The following CDH11 variants were observed in gnomAD, a reference collection of about 807,000 sequenced individuals.
The protein encoded by CDH11 is cadherin 11, also known as cadherin-11.
A neutral mutation model predicts 67.8 loss-of-function variants in CDH11; 11 were observed. That is an observed-to-expected ratio of 0.16 (90% confidence interval 0.10 to 0.27). The LOEUF (loss-of-function observed/expected upper bound fraction) is 0.27. Ranked by LOEUF, CDH11 falls within the 10% of genes least tolerant of loss-of-function variation. CDH11 has a pLI of 1.00. For synonymous variants in CDH11, 419 were observed against 400.0 expected, an observed-to-expected ratio of 1.05 and a Z score of -0.57; for missense variants, 847 against 1,031.2, an observed-to-expected ratio of 0.82 and a Z score of 2.45.
intron 1 of CDH11, among the ~76,000 whole-genome samples, chr16:65,065,055 G>A (rs1017456058): frequency 2.6e-5 from 4 of 152,134 alleles, no homozygotes. Context: ...TCACGGGTCA[G>A]GTCAGCTATG....
chr16:64,962,671 T>G (rs1262367623), intron 11 of CDH11, among the ~76,000 whole-genome samples: 1 of 152,156 alleles, frequency 6.6e-6, no homozygotes, highest in Non-Finnish European at 1.5e-5. Context: ...TCCCTCATGC[T>G]ATCAGTAGGA....
intron 1 of CDH11, among the ~76,000 whole-genome samples, chr16:65,090,923 C>T (rs901640878): frequency 5.9e-5 from 9 of 152,048 alleles, no homozygotes; most frequent in Admixed American, 6.6e-5. Context: ...TACTTGAGTA[C>T]TAATATATAG....
Position 64,991,910 on chromosome 16 carries a change from G to T in CDH11, c.669C>A (p.Asn223Lys). 1 of 1,613,336 alleles carries T rather than the reference G, an allele frequency of 6.2e-7. No individual in the cohort carries two copies. The highest frequency in any genetic ancestry group is 8.5e-7 in the Non-Finnish European group (1 of 1,179,396). Residue 223 changes from asparagine (N) to lysine (K), a missense_variant, in exon 6 of 13, where the codon AAC (asparagine) becomes AAA (lysine). Physicochemically the swap from Asn to Lys is moderately conservative, Grantham distance 94. Transcript: ENST00000268603. ...ACTCCTCCTTGGCCTCCCTGTCCAT[G>T]TTGGGTAGGGCTGTTCTGATGATAC... is the stretch of plus-strand genomic sequence containing the variant. Reference protein sequence around the residue: ...QTGIIRTALPNMDREAKEEYH... With the variant: ...QTGIIRTALPKMDREAKEEYH...
At chr16:65,028,087 A>C (rs2073568531) in intron 2 of CDH11, among the ~76,000 whole-genome samples, 1 of 152,234 alleles carries the variant, frequency 6.6e-6, no homozygotes, top group Non-Finnish European at 1.5e-5. Context: ...GATTTTTGAA[A>C]GGAAGAAACG....
intron 1 of CDH11, among the ~76,000 whole-genome samples, chr16:65,077,965 C>G (rs1017883098): frequency 5.9e-5 from 9 of 152,196 alleles, no homozygotes; most frequent in African/African-American, 2.2e-4. Flanking sequence ...AGTGGAAATA[C>G]AGAGACGGGT....
intron 1 of CDH11, among the ~76,000 whole-genome samples, chr16:65,086,204 C>A (rs1307444403): frequency 6.6e-6 from 1 of 152,216 alleles, no homozygotes; most frequent in Admixed American, 6.5e-5. Flanking sequence ...TAGCCCTTTA[C>A]AGAAATTGGT....
chr16:64,988,424 A>C, intron 6 of CDH11, 80 bp from the exon 7 acceptor site: 1 of 1,278,182 alleles, frequency 7.8e-7, no homozygotes, highest in Non-Finnish European at 1.1e-6. Context: ...AATCCCAATA[A>C]ATTTCTCAAA....
chr16:65,079,496 T>A (rs540398895), intron 1 of CDH11, among the ~76,000 whole-genome samples: 29 of 149,760 alleles, frequency 1.9e-4, no homozygotes, highest in African/African-American at 6.7e-4. Context: ...TGCGTGTGTA[T>A]GTGTGTGTGT....
chr16:65,109,566 C>A (rs2075122614), intron 1 of CDH11, among the ~76,000 whole-genome samples: 1 of 152,206 alleles, frequency 6.6e-6, no homozygotes, highest in Non-Finnish European at 1.5e-5. Context: ...TAAGATGCGA[C>A]TTGAGGCCAC....
intron 1 of CDH11, among the ~76,000 whole-genome samples, chr16:65,084,969 G>A (rs981008452): frequency 6.6e-6 from 1 of 152,118 alleles, no homozygotes. Context: ...GAGTTCAGTG[G>A]CACTACCTCA....
At chr16:65,095,605 C>G (rs1031462160) in intron 1 of CDH11, among the ~76,000 whole-genome samples, 1 of 152,148 alleles carries the variant, frequency 6.6e-6, no homozygotes, top group East Asian at 1.9e-4. Context: ...CTGATTCAAC[C>G]AGTTGAAAGG....
chr16:64,950,731 TG>T (rs763021806), intron 12 of CDH11, 35 bp downstream of exon 12: 37 of 1,602,476 alleles, frequency 2.3e-5, no homozygotes, highest in Non-Finnish European at 3.2e-5. Flanking sequence ...TCCGGTTGCC[TG>T]GCCCTTCCTG....
chr16:65,005,428 C>G (rs1336958733), intron 2 of CDH11, among the ~76,000 whole-genome samples: 1 of 152,162 alleles, frequency 6.6e-6, no homozygotes, highest in Non-Finnish European at 1.5e-5. Flanking sequence ...AGGGAGAGGA[C>G]AGATGGCTGG....
chr16:64,946,060 C>T lies in CDH11; in HGVS notation c.*1543G>A, dbSNP rs1445901601. On this transcript the variant is annotated 3_prime_UTR_variant, in exon 13 of 13. Transcript: ENST00000268603. The stretch of plus-strand genomic sequence containing the variant: ...GAATGCAGGGGACTGTAGACACACT[C>T]CTGGACCAAATGGCATCGACTCTCA... The T allele has an allele frequency of 1.9e-6, 2 of 1,059,220 alleles. No individual in the cohort carries two copies. The highest frequency in any genetic ancestry group is 3.3e-5 in the African/African-American group (2 of 60,708). The allele number at this position is 1,059,220 out of a possible 1,614,324, so 65.6% of individuals were successfully genotyped here. A position where few individuals can be genotyped will look rare whatever the true frequency, so the allele number is the denominator to read the frequency against.
chr16:64,962,969 A>C (rs1022013690), intron 11 of CDH11, among the ~76,000 whole-genome samples: 3 of 152,198 alleles, frequency 2.0e-5, no homozygotes, highest in Non-Finnish European at 4.4e-5. Context: ...GCCCTTCTTT[A>C]ACTTACTATC....
intron 2 of CDH11, among the ~76,000 whole-genome samples, chr16:65,042,389 G>T (rs1386274245): frequency 1.3e-5 from 2 of 152,166 alleles, no homozygotes; most frequent in Non-Finnish European, 2.9e-5. Flanking sequence ...GTCAGGAAAG[G>T]CCTCTCAAAA....
At chr16:64,970,976 A>T (rs2142424594) in intron 11 of CDH11, among the ~76,000 whole-genome samples, 1 of 152,344 alleles carries the variant, frequency 6.6e-6, no homozygotes, top group Admixed American at 6.5e-5. Flanking sequence ...AAACAAAAAC[A>T]TCTATTTCTA....
rs182806128 is a variant in CDH11, at chr16:64,984,533, T to A, written c.1000-2232A>T. Among the ~76,000 whole-genome samples, 3 of 152,308 alleles carry A rather than the reference T, an allele frequency of 2.0e-5. No homozygotes were observed. The East Asian group carries it at 5.8e-4, about 29-fold the overall frequency. ...GCAACACATTGCATAAGCCATAAAA[T>A]TCTTAATACCCCGTAGTTTACTAAT... On this transcript the variant is annotated intron_variant, in intron 7 of 12. Coordinates refer to ENST00000268603, the MANE Select transcript of CDH11 (RefSeq NM_001797.4).
At chr16:65,034,006 C>T (rs1157504009) in intron 2 of CDH11, among the ~76,000 whole-genome samples, 2 of 152,090 alleles carry the variant, frequency 1.3e-5, no homozygotes, top group Non-Finnish European at 2.9e-5. Flanking sequence ...TATTATGGAA[C>T]AGTATTACGG....
Sources: allele counts gnomAD v4.1 joint callset (sites outside exome capture counted in the v4.1 genomes callset), GRCh38; gene constraint gnomAD v4.1.1; transcripts MANE v1.5; gene names NCBI Gene and HGNC (gene_info 2026-07-23, HGNC 2026-07-21).